Variants in CDH13 observed in about 807,000 individuals in gnomAD.
CDH13 encodes the protein cadherin-13.
In CDH13, 24 loss-of-function variants were observed where a neutral mutation model predicts 63.8. The observed-to-expected ratio is 0.38, with a 90% CI of 0.27 to 0.53. The LOEUF is 0.53. Ranked by LOEUF, CDH13 falls within the 20% of genes least tolerant of loss-of-function variation. The pLI is 0.85. For missense variants in CDH13, 1,049 were observed against 903.1 expected, an observed-to-expected ratio of 1.16 and a Z score of -2.07; for synonymous variants, 503 against 355.3, an observed-to-expected ratio of 1.42 and a Z score of -4.67.
Position 82,872,155 on chromosome 16 carries a change from C to T in CDH13, c.157+13682C>T, listed in dbSNP as rs141721046. Among the ~76,000 whole-genome samples, 261 of 152,290 alleles carry T rather than the reference C, an allele frequency of 1.7e-3. 1 individual carries two copies. Among genetic ancestry groups the T allele is most frequent in the African/African-American group, 5.3e-3 (221 of 41,554 alleles). ...CCATTAAGTACTAACGTCTTATGAC[C>T]GCAGACTGTGCCCCAAGCCTGAGAA... is the stretch of plus-strand genomic sequence containing the variant. On this transcript the variant is annotated intron_variant, in intron 2 of 13. Transcript: ENST00000567109.
At chr16:83,407,577 G>A (rs1419385648) in intron 6 of CDH13, among the ~76,000 whole-genome samples, 1 of 152,140 alleles carries the variant, frequency 6.6e-6, no homozygotes, top group Non-Finnish European at 1.5e-5. Context: ...AATCTCCTTA[G>A]CCTATAATTG....
chr16:82,659,422 A>G (rs1282895206), intron 1 of CDH13, among the ~76,000 whole-genome samples: 5 of 152,234 alleles, frequency 3.3e-5, no homozygotes, highest in Admixed American at 1.3e-4. Context: ...GGTTGAGTCT[A>G]GGCACTGTCT....
At chr16:83,043,821 A>G (rs1421550185) in intron 3 of CDH13, among the ~76,000 whole-genome samples, 1 of 144,070 alleles carries the variant, frequency 6.9e-6, no homozygotes, top group Non-Finnish European at 1.5e-5. Context: ...AGCAAGTGTG[A>G]CTCTATCTCA....
intron 6 of CDH13, among the ~76,000 whole-genome samples, chr16:83,452,626 C>T (rs1441369524): frequency 6.6e-6 from 1 of 151,984 alleles, no homozygotes; most frequent in Non-Finnish European, 1.5e-5. Context: ...ATAGAATAAC[C>T]AGATTTGTTG....
At chr16:83,680,929 T>A (rs1000577089) in intron 10 of CDH13, among the ~76,000 whole-genome samples, 1 of 151,972 alleles carries the variant, frequency 6.6e-6, no homozygotes, top group Non-Finnish European at 1.5e-5. Context: ...CTGGGTTGTC[T>A]CCATCCTCAG....
chr16:83,079,090 C>T (rs1318020744), intron 3 of CDH13, among the ~76,000 whole-genome samples: 2 of 152,102 alleles, frequency 1.3e-5, no homozygotes, highest in East Asian at 1.9e-4. Flanking sequence ...CCATTGTGCC[C>T]GGCCCAGGTT....
chr16:83,791,342 A>G (rs1346123340), intron 13 of CDH13, among the ~76,000 whole-genome samples: 1 of 151,968 alleles, frequency 6.6e-6, no homozygotes, highest in Non-Finnish European at 1.5e-5. Context: ...CTAAAGCTAT[A>G]AAAATTACCT....
intron 1 of CDH13, among the ~76,000 whole-genome samples, chr16:82,697,393 C>A (rs539289518): frequency 2.4e-4 from 36 of 150,138 alleles, no homozygotes; most frequent in Admixed American, 7.9e-4. Context: ...CCTTTAATCA[C>A]CTTTAAGGGG....
chr16:83,427,426 C>G (rs193183716), intron 6 of CDH13, among the ~76,000 whole-genome samples: 57 of 152,178 alleles, frequency 3.7e-4, no homozygotes, highest in African/African-American at 1.3e-3. Context: ...TGGGTAGCCT[C>G]AAGAAGCTGG....
At position 83,221,591 on chromosome 16, in the gene CDH13, AT is replaced by A. The variant is rs796479952; in HGVS notation, c.636+4097del. Among the ~76,000 whole-genome samples the A allele has an allele frequency of 3.0e-4, 45 of 148,446 alleles. 1 individual carries two copies. Among genetic ancestry groups the A allele is most frequent in the African/African-American group, 1.1e-3 (44 of 40,484 alleles). On this transcript the variant is annotated intron_variant, in intron 5 of 13. Coordinates refer to ENST00000567109, the MANE Select transcript of CDH13 (RefSeq NM_001257.5). ...TGTGAATATGATCTACTGGCTGCAA[AT>A]TTGCCAATATGGGATGACGGGAGTG...
chr16:83,018,334 T>A (rs555480400), intron 2 of CDH13, among the ~76,000 whole-genome samples: 180 of 152,318 alleles, frequency 1.2e-3, no homozygotes, highest in African/African-American at 4.1e-3. Flanking sequence ...ACATTCACCT[T>A]TAGTTGCCGT....
intron 6 of CDH13, among the ~76,000 whole-genome samples, chr16:83,452,597 C>T (rs1012878096): frequency 6.6e-6 from 1 of 151,994 alleles, no homozygotes; most frequent in Non-Finnish European, 1.5e-5. Context: ...CCCAGCAATT[C>T]TTGTAAGTAA....
chr16:83,422,409 G>C (rs2071744018), intron 6 of CDH13, among the ~76,000 whole-genome samples: 1 of 152,166 alleles, frequency 6.6e-6, no homozygotes, highest in Admixed American at 6.5e-5. Flanking sequence ...ATTCTAAGTT[G>C]GACACTGGTC....
chr16:82,831,641 G>T (rs1155971), intron 1 of CDH13, among the ~76,000 whole-genome samples: 1 of 151,990 alleles, frequency 6.6e-6, no homozygotes, highest in Non-Finnish European at 1.5e-5. Flanking sequence ...TAACAATAAC[G>T]TCCAGGTCAT....
In CDH13 at chr16:83,096,888, C is replaced by T. The variant is rs74033137; in HGVS notation, c.367-28497C>T. Among the ~76,000 whole-genome samples, 968 of 152,198 alleles carry T rather than the reference C, an allele frequency of 6.4e-3. 17 individuals carry two copies. The highest frequency in any genetic ancestry group is 0.022 in the African/African-American group (925 of 41,526). On this transcript the variant is annotated intron_variant, in intron 3 of 13. Coordinates refer to ENST00000567109, the MANE Select transcript of CDH13 (RefSeq NM_001257.5). ...TGTTTAAAGGAAAAATTGTCCTTGC[C>T]TTTGAAAGTTAGGGTCATGTTAAAA...
intron 2 of CDH13, among the ~76,000 whole-genome samples, chr16:82,923,749 C>G (rs1490228279): frequency 1.4e-4 from 21 of 152,180 alleles, no homozygotes; most frequent in Admixed American, 1.4e-3. Flanking sequence ...TGCTTCTTTC[C>G]TCTTACTTCG....
At chr16:83,302,681 A>G (rs1242849860) in intron 5 of CDH13, among the ~76,000 whole-genome samples, 1 of 152,176 alleles carries the variant, frequency 6.6e-6, no homozygotes, top group East Asian at 1.9e-4. Context: ...ATAGTCTAAG[A>G]GTGGAGTCAG....
intron 10 of CDH13, among the ~76,000 whole-genome samples, chr16:83,712,519 A>G (rs1908219599): frequency 6.6e-6 from 1 of 152,220 alleles, no homozygotes; most frequent in Non-Finnish European, 1.5e-5. Context: ...TCATCAGGGC[A>G]TGCTCTGCGC....
chr16:83,687,055 C>CA (rs1358382674), intron 10 of CDH13, among the ~76,000 whole-genome samples: 3 of 151,902 alleles, frequency 2.0e-5, no homozygotes, highest in Admixed American at 2.0e-4. Context: ...ACTAAAAATA[C>CA]AAAAAAAGTT....
Sources: gnomAD v4.1 joint callset for allele counts (sites outside exome capture counted in the v4.1 genomes callset) on GRCh38, gnomAD v4.1.1 for gene constraint, MANE v1.5 for transcripts, NCBI Gene and HGNC (gene_info 2026-07-23, HGNC 2026-07-21) for gene names.